The following HMCN2 variants were observed in gnomAD, a reference collection of about 807,000 sequenced individuals.
The protein encoded by HMCN2 is hemicentin-2.
Under a neutral mutation model 377.5 loss-of-function variants are expected in HMCN2, and 325 were observed. The observed-to-expected ratio is 0.86, with a 90% confidence interval of 0.79 to 0.94. The LOEUF is 0.94. HMCN2 is among the 40% of genes least tolerant of loss of function. The pLI is 0.00. For synonymous variants in HMCN2, 2,007 were observed against 2,046.8 expected (o/e 0.98, Z 0.53); for missense variants, 4,543 against 4,725.3 (o/e 0.96, Z 1.13).
At chr9:130,321,564 G>A (rs903842369) in intron 18 of HMCN2, among the ~76,000 whole-genome samples, 1 of 152,038 alleles carries the variant, frequency 6.6e-6, no homozygotes, top group African/African-American at 2.4e-5. Flanking sequence ...TGGGGTCAGG[G>A]TATGTAGGGG....
In HMCN2 at chr9:130,427,338, G is replaced by A; in HGVS notation, c.13905G>A (p.Glu4635=). The change falls in exon 91 of 98, where the codon GAG becomes GAA. Residue 4635 remains glutamate, a synonymous_variant. Transcript: ENST00000683500. ...QAEENEVGCP[E]GFELDSQGAF... ...AGGAGAACGAGGTCGGCTGCCCCGAGGGCTTTGAGCTGGACTCCCAGGGAG... is the reference window on the plus strand; with the variant it reads ...AGGAGAACGAGGTCGGCTGCCCCGAAGGCTTTGAGCTGGACTCCCAGGGAG... The A allele has an allele frequency of 6.4e-7, 1 of 1,550,584 alleles. No individual in the cohort carries two copies. The highest frequency in any genetic ancestry group is 8.7e-7 in the Non-Finnish European group (1 of 1,146,988).
At chr9:130,376,690 C>T in intron 52 of HMCN2, 32 bp downstream of exon 52, 1 of 985,304 alleles carries the variant, frequency 1.0e-6, no homozygotes, top group African/African-American at 1.7e-5. Context: ...CAGCTTCTGG[C>T]TCTCACCTCT....
intron 22 of HMCN2, among the ~76,000 whole-genome samples, chr9:130,335,838 T>A (rs1838720336): frequency 6.6e-6 from 1 of 152,178 alleles, no homozygotes. Context: ...CGTCTTCATG[T>A]CCTCAGGCAG....
Position 130,351,073 on chromosome 9 carries a change from T to C in HMCN2, c.4431-350T>C, listed in dbSNP as rs185528767. Reference sequence around the variant, plus strand: ...CAGCCCCTGGCAACCACAAGCCTGCTTTCCTTCTCTATGGACGTGCCTGTT... The same window carrying C: ...CAGCCCCTGGCAACCACAAGCCTGCCTTCCTTCTCTATGGACGTGCCTGTT... On this transcript the variant is annotated intron_variant, in intron 29 of 97. Transcript: ENST00000683500. This position sits in a 1 kb window ranked among gnomAD's most constrained non-coding sequence, Gnocchi z 5.4. Among the ~76,000 whole-genome samples, 501 of 152,344 alleles carry C rather than the reference T, an allele frequency of 3.3e-3. 3 individuals carry two copies. Among genetic ancestry groups the C allele is most frequent in the Non-Finnish European group, 4.6e-3 (316 of 68,022 alleles).
intron 7 of HMCN2, among the ~76,000 whole-genome samples, chr9:130,297,283 A>T (rs1771283090): frequency 6.6e-6 from 1 of 152,174 alleles, no homozygotes; most frequent in Non-Finnish European, 1.5e-5. Context: ...GGGTGTCCCA[A>T]GACTGAGGAA....
At chr9:130,381,445 T>G (rs1235931614) in intron 54 of HMCN2, among the ~76,000 whole-genome samples, 1 of 152,154 alleles carries the variant, frequency 6.6e-6, no homozygotes, top group Non-Finnish European at 1.5e-5. Flanking sequence ...CTTGGCTCAC[T>G]GCAACCTCTG....
intron 22 of HMCN2, among the ~76,000 whole-genome samples, chr9:130,334,481 A>G (rs1222375389): frequency 6.0e-5 from 9 of 149,890 alleles, no homozygotes; most frequent in African/African-American, 2.0e-4. Flanking sequence ...CTAGGAAATG[A>G]TCTTGGATGC....
In HMCN2 at chr9:130,384,527, C is replaced by T; in HGVS notation, c.8985C>T (p.Leu2995=). 1 of 1,304,260 alleles carries T rather than the reference C, an allele frequency of 7.7e-7. No individual in the cohort carries two copies. The highest frequency in any genetic ancestry group is 1.0e-6 in the Non-Finnish European group (1 of 988,960). 80.8% of individuals were successfully genotyped at this position (1,304,260 alleles called of 1,614,324 possible). Residue 2995 remains leucine (L), a synonymous_variant, in exon 58 of 98, where the codon CTC becomes CTT. Coordinates refer to ENST00000683500, the MANE Select transcript of HMCN2 (RefSeq NM_001291815.2). ...TCTCCCTGGGTGAAGAGGTCTTCCTCCTGCCTGGTGGGTAAACTGAGGTGT... is the reference window on the plus strand; with the variant it reads ...TCTCCCTGGGTGAAGAGGTCTTCCTTCTGCCTGGTGGGTAAACTGAGGTGT... ...QALSLGEEVF[L]LPGTHTLQLG... is the part of the protein sequence containing the mutation.
At chr9:130,281,599 A>G (rs1410393921) in intron 1 of HMCN2, among the ~76,000 whole-genome samples, 1 of 8,068 alleles carries the variant, frequency 1.2e-4, no homozygotes, top group Non-Finnish European at 1.9e-4. Flanking sequence ...CTCAGTCTCA[A>G]AAAAAAAAAG....
At chr9:130,310,082 C>T (rs782182288) in intron 15 of HMCN2, 21 bp downstream of exon 15, 6 of 511,738 alleles carry the variant, frequency 1.2e-5, no homozygotes, top group Non-Finnish European at 2.0e-5. Context: ...ACCTTGTCTC[C>T]CCCTCCCCTG....
In HMCN2 at chr9:130,394,997, G is replaced by A; in HGVS notation, c.10693-30G>A. 2 of 1,255,382 alleles carry A rather than the reference G, an allele frequency of 1.6e-6. No individual in the cohort carries two copies. Among genetic ancestry groups the A allele is most frequent in the African/African-American group, 1.5e-5 (1 of 65,162 alleles). The allele number at this position is 1,255,382 out of a possible 1,614,324, so 77.8% of individuals were successfully genotyped here. ...TGGGAGGCGGGCAGAGAGGGGCCAG[G>A]GGCAGCTGCTCAACCCGCTCCATCC... On this transcript the variant is annotated intron_variant, in intron 69 of 97. Transcript: ENST00000683500. This position sits in a 1 kb window ranked among gnomAD's most constrained non-coding sequence, Gnocchi z 5.1.
In HMCN2 at chr9:130,406,079, G is replaced by A. The variant is rs372785922; in HGVS notation, c.12464G>A (p.Arg4155His). 1.5e-3 allele frequency: 1,970 copies of A among 1,289,838 alleles called. 13 individuals are homozygous for A. In the African/African-American group the frequency reaches 0.022, roughly 15 times the overall value. 79.9% of individuals were successfully genotyped at this position (1,289,838 alleles called of 1,614,324 possible). ...ACCCTGCCTGGGGACCGCAGCCTGC[G>A]CCTTGGGGACAGGCTGTGGCTTCGC... is the stretch of plus-strand genomic sequence containing the variant. ...FTTLPGDRSL[R>H]LGDRLWLRCA... The change falls in exon 82 of 98, where the codon CGC (arginine) becomes CAC (histidine). Residue 4155 changes from arginine (R) to histidine (H), a missense_variant. Physicochemically the swap from Arg to His is conservative, Grantham distance 29. Transcript: ENST00000683500.
rs1426514200 is a variant in HMCN2, at chr9:130,397,599, G to A, written c.11270G>A (p.Cys3757Tyr). The A allele has an allele frequency of 7.8e-7, 1 of 1,289,846 alleles. No individual in the cohort carries two copies. The highest frequency in any genetic ancestry group is 2.3e-5 in the Admixed American group (1 of 43,566). The allele number at this position is 1,289,846 out of a possible 1,614,324, so 79.9% of individuals were successfully genotyped here. A position where few individuals can be genotyped will look rare whatever the true frequency, so the allele number is the denominator to read the frequency against. Reference sequence around the variant, plus strand: ...GCCCAGGACGCCGGCCACTACCTCTGCCTGGCATCCAACTCTGCTGGCTCC... The same window carrying A: ...GCCCAGGACGCCGGCCACTACCTCTACCTGGCATCCAACTCTGCTGGCTCC... The part of the protein sequence containing the change: ...VLAQDAGHYL[C>Y]LASNSAGSDR... Residue 3757 changes from cysteine (C) to tyrosine (Y), a missense_variant, in exon 74 of 98, where the codon TGC becomes TAC. By Grantham distance (194) the Cys-to-Tyr change is radical. This residue lies in a region of HMCN2 where 1,073 missense variants were observed against 1,319.5 expected (regional missense o/e 0.81). Coordinates refer to ENST00000683500, the MANE Select transcript of HMCN2 (RefSeq NM_001291815.2).
At chr9:130,296,513 C>G (rs1836159557) in intron 6 of HMCN2, among the ~76,000 whole-genome samples, 161 bp from the exon 7 acceptor site, 1 of 152,098 alleles carries the variant, frequency 6.6e-6, no homozygotes, top group Non-Finnish European at 1.5e-5. Flanking sequence ...TGGGGAGCAT[C>G]GTGCTGGGCC....
At chr9:130,388,745 C>T (rs1842147983) in intron 62 of HMCN2, among the ~76,000 whole-genome samples, 1 of 150,258 alleles carries the variant, frequency 6.7e-6, no homozygotes, top group African/African-American at 2.5e-5. Flanking sequence ...TAAAGAGCGT[C>T]TCCTGTGAGG....
intron 90 of HMCN2, 90 bp from the exon 91 acceptor site, chr9:130,427,223 G>A: frequency 2.2e-6 from 3 of 1,358,254 alleles, no homozygotes; most frequent in Non-Finnish European, 2.1e-6. Context: ...TAAGCTGGCA[G>A]TGGGGGAGCT....
rs980465126 is a variant in HMCN2 at position 130,396,004 on chromosome 9, C to T, written c.10992C>T (p.Tyr3664=). 1 of 1,287,458 alleles carries T rather than the reference C, an allele frequency of 7.8e-7. No individual in the cohort carries two copies. Among genetic ancestry groups the T allele is most frequent in the Admixed American group, 2.3e-5 (1 of 43,538 alleles). The allele number at this position is 1,287,458 out of a possible 1,614,324, so 79.8% of individuals were successfully genotyped here. ...TGAGCACGGCTGACAGCGGCGACTA[C>T]AGCTGCACAGCCCGCAACGCCGCAG... ...QALSTADSGD[Y]SCTARNAAGS... The change falls in exon 72 of 98, where the codon TAC becomes TAT. Residue 3664 remains tyrosine (Y), a synonymous_variant. Transcript: ENST00000683500.
chr9:130,269,368 C>T (rs1834287884), intron 1 of HMCN2, among the ~76,000 whole-genome samples: 1 of 139,822 alleles, frequency 7.2e-6, no homozygotes, highest in Admixed American at 7.4e-5. Flanking sequence ...TACTAAGAAA[C>T]TCTCTTGTAA....
chr9:130,287,551 TAAAAAAAAAAAAA>T (rs142931668), intron 4 of HMCN2, among the ~76,000 whole-genome samples: 1 of 93,306 alleles, frequency 1.1e-5, no homozygotes, highest in African/African-American at 4.9e-5. Context: ...AACTCTGTCT[TAAAAAAAAAAAAA>T]AAAAAAAAAA....
Sources: allele counts gnomAD v4.1 joint callset (sites outside exome capture counted in the v4.1 genomes callset), GRCh38; gene constraint gnomAD v4.1.1; regional missense constraint gnomAD v4.1.1; non-coding constraint Gnocchi (gnomAD v3.1); transcripts MANE v1.5; gene names NCBI Gene and HGNC (gene_info 2026-07-23, HGNC 2026-07-21).